The following C8orf76 variants were observed in gnomAD, a reference collection of about 807,000 sequenced individuals.
The protein encoded by C8orf76 is chromosome 8 open reading frame 76.
In C8orf76, 46 loss-of-function variants were observed where a neutral mutation model predicts 38.1. The observed-to-expected ratio is 1.21, with a 90% CI of 0.95 to 1.54. The LOEUF is 1.54. C8orf76 is among the 40% of genes most tolerant of loss of function. The probability of loss-of-function intolerance (pLI) is 0.00; values close to 1 mark genes in which losing one functional copy is unlikely to be tolerated. For missense variants in C8orf76, 461 were observed against 441.6 expected (o/e 1.04, Z -0.39); for synonymous variants, 166 against 167.5 (o/e 0.99, Z 0.07).
chr8:123,220,571 G>A (rs74852447), intron 5 of C8orf76, among the ~76,000 whole-genome samples: 2,798 of 152,312 alleles, frequency 0.018, 56 homozygotes, highest in African/African-American at 0.047. Context: ...CCAAGTGAAA[G>A]AATCACTTTG....
intron 4 of C8orf76, among the ~76,000 whole-genome samples, chr8:123,227,899 T>C (rs1374634936): frequency 1.3e-5 from 2 of 152,138 alleles, no homozygotes; most frequent in Admixed American, 1.3e-4. Context: ...CCTGTTGACA[T>C]CACCTACCCG....
In C8orf76 at chr8:123,220,255, G is replaced by C; in HGVS notation, c.991C>G (p.His331Asp). 6.2e-7 allele frequency: 1 copy of C among 1,607,958 alleles called. No individual in the cohort carries two copies. Reference protein sequence around the residue: ...DIPEKIKDEVHPEVKCVGSVA... With the variant: ...DIPEKIKDEVDPEVKCVGSVA... ...GAGCCAACACACTTCACCTCTGGGTGAACTTCATCTTTTATTTTTTCTGGG... is the reference window on the plus strand; with the variant it reads ...GAGCCAACACACTTCACCTCTGGGTCAACTTCATCTTTTATTTTTTCTGGG... Residue 331 changes from histidine to aspartate, a missense_variant, in exon 6 of 6, where the codon CAC becomes GAC. By Grantham distance (81) the His-to-Asp change is moderately conservative. Transcript: ENST00000276704.
chr8:123,223,521 T>C (rs1004548409), intron 5 of C8orf76, among the ~76,000 whole-genome samples: 2 of 152,124 alleles, frequency 1.3e-5, no homozygotes, highest in African/African-American at 4.8e-5. Context: ...GACAGGAGAA[T>C]TGCTTGAACC....
chr8:123,222,994 T>C (rs746489814), intron 5 of C8orf76, among the ~76,000 whole-genome samples: 1 of 152,242 alleles, frequency 6.6e-6, no homozygotes, highest in African/African-American at 2.4e-5. Context: ...ATTCTATTTC[T>C]AATAATCTGT....
Position 123,239,094 on chromosome 8 carries a change from G to C in C8orf76, c.168C>G (p.Leu56=), listed in dbSNP as rs374843957. 8.1e-6 allele frequency: 13 copies of C among 1,613,942 alleles called. No individual in the cohort carries two copies. In the African/African-American group the frequency reaches 1.7e-4, roughly 22 times the overall value. ...ESSDDVEVLT[L]KKFKGDLAYR... ...AGGCCAGGTCTCCTTTGAATTTCTT[G>C]AGAGTCAGCACTTCAACATCATCAC... The change falls in exon 2 of 6, where the codon CTC becomes CTG. Residue 56 remains leucine, a synonymous_variant. Transcript: ENST00000276704.
intron 3 of C8orf76, among the ~76,000 whole-genome samples, chr8:123,232,218 A>C (rs1269225196): frequency 6.6e-6 from 1 of 152,220 alleles, no homozygotes; most frequent in African/African-American, 2.4e-5. Context: ...CTCCACTTCC[A>C]AATTTTATTT....
intron 3 of C8orf76, among the ~76,000 whole-genome samples, chr8:123,237,528 C>T (rs1825541975): frequency 6.6e-6 from 1 of 152,138 alleles, no homozygotes; most frequent in Non-Finnish European, 1.5e-5. Flanking sequence ...CTGAATGTTA[C>T]TCCTAACAAG....
intron 2 of C8orf76, 104 bp from the exon 3 acceptor site, chr8:123,238,045 T>C (rs1199440274): frequency 7.0e-6 from 9 of 1,283,758 alleles, no homozygotes; most frequent in South Asian, 1.6e-5. Flanking sequence ...AGTAATGTTA[T>C]AACTGACCAA....
At chr8:123,238,629 T>C (rs565731438) in intron 2 of C8orf76, 1 of 159,372 alleles carries the variant, frequency 6.3e-6, no homozygotes, top group East Asian at 1.8e-4. Flanking sequence ...TATAACCTTT[T>C]CATCAGCAAA....
chr8:123,227,870 T>C (rs190691899), intron 4 of C8orf76, among the ~76,000 whole-genome samples: 2 of 152,250 alleles, frequency 1.3e-5, no homozygotes, highest in African/African-American at 4.8e-5. Context: ...AAAATGATCA[T>C]CTGTCTGCTT....
intron 4 of C8orf76, among the ~76,000 whole-genome samples, 159 bp downstream of exon 4, chr8:123,231,141 A>AT (rs1825251377): frequency 6.6e-6 from 1 of 152,358 alleles, no homozygotes; most frequent in African/African-American, 2.4e-5. Flanking sequence ...GTTTCCAAGT[A>AT]TTACACACTA....
At chr8:123,222,471 C>A (rs1824917272) in intron 5 of C8orf76, among the ~76,000 whole-genome samples, 1 of 152,116 alleles carries the variant, frequency 6.6e-6, no homozygotes, top group Admixed American at 6.5e-5. Context: ...GACAGATAGG[C>A]ACAATATTTA....
rs544806521 is a variant in C8orf76, at chr8:123,224,724, G to T, written c.948+1776C>A. On this transcript the variant is annotated intron_variant, in intron 5 of 5. Transcript: ENST00000276704. The stretch of plus-strand genomic sequence containing the variant: ...GCTCCACTGGTATATCACATGCATT[G>T]TCTACACAGGAAACTACTCTTCCAC... 2.0e-5 allele frequency among the ~76,000 whole-genome samples: 3 copies of T among 152,260 alleles called. No homozygotes were observed. The South Asian group carries it at 6.2e-4, about 32-fold the overall frequency.
chr8:123,241,338 G>T lies in C8orf76; in HGVS notation c.9C>A (p.Ser3=), dbSNP rs576491864. The T allele has an allele frequency of 6.4e-7, 1 of 1,562,822 alleles. No individual in the cohort carries two copies. The highest frequency in any genetic ancestry group is 1.2e-5 in the South Asian group (1 of 85,722). The change falls in exon 1 of 6, where the codon TCC becomes TCA. Residue 3 remains serine, a synonymous_variant. Coordinates refer to ENST00000276704, the MANE Select transcript of C8orf76 (RefSeq NM_032847.3). ...ACTCGCCGCCGAACAACCAGCACCC[G>T]GAATCCATCTCGCGCCCGCGGCGGG... MD[S]GCWLFGGEFE...
rs749570313 is a variant in C8orf76 at position 123,237,853 on chromosome 8, C to T, written c.302G>A (p.Arg101Gln). 22 of 1,613,936 alleles carry T rather than the reference C, an allele frequency of 1.4e-5. No individual in the cohort carries two copies. The highest frequency in any genetic ancestry group is 7.7e-5 in the South Asian group (7 of 91,082). Reference sequence around the variant, plus strand: ...ATGCCTACCCAGGTGAGCCAGACACCGAGCCTGACCTTCCTGGACATCCCT... The same window carrying T: ...ATGCCTACCCAGGTGAGCCAGACACTGAGCCTGACCTTCCTGGACATCCCT... The part of the protein sequence containing the change: ...MKRDVQEGQA[R>Q]CLAHLGRHME... Residue 101 changes from arginine (R) to glutamine (Q), a missense_variant, in exon 3 of 6, where the codon CGG (arginine) becomes CAG (glutamine). By Grantham distance (43) the Arg-to-Gln change is conservative. Coordinates refer to ENST00000276704, the MANE Select transcript of C8orf76 (RefSeq NM_032847.3).
chr8:123,235,004 C>A (rs1174672735), intron 3 of C8orf76, among the ~76,000 whole-genome samples: 1 of 152,024 alleles, frequency 6.6e-6, no homozygotes, highest in African/African-American at 2.4e-5. Flanking sequence ...CTGGCTAAAC[C>A]GACCAGACAC....
intron 5 of C8orf76, among the ~76,000 whole-genome samples, chr8:123,221,782 T>C (rs1490803723): frequency 6.6e-6 from 1 of 151,874 alleles, no homozygotes; most frequent in Non-Finnish European, 1.5e-5. Context: ...AGCACTCAAC[T>C]ATAGTCCCAG....
At chr8:123,220,843 T>C (rs1824878661) in intron 5 of C8orf76, among the ~76,000 whole-genome samples, 1 of 151,864 alleles carries the variant, frequency 6.6e-6, no homozygotes, top group Non-Finnish European at 1.5e-5. Context: ...CCCAAGATTC[T>C]GGGTTAGTTT....
chr8:123,229,195 G>A (rs1213086656), intron 4 of C8orf76, among the ~76,000 whole-genome samples: 1 of 152,142 alleles, frequency 6.6e-6, no homozygotes, highest in African/African-American at 2.4e-5. Context: ...CTCTTCCCAC[G>A]TGGGGAATAT....
Sources: gnomAD v4.1 joint callset for allele counts (sites outside exome capture counted in the v4.1 genomes callset) on GRCh38, gnomAD v4.1.1 for gene constraint, MANE v1.5 for transcripts, NCBI Gene and HGNC (gene_info 2026-07-23, HGNC 2026-07-21) for gene names.